Variants in THUMPD3 observed in about 807,000 individuals in gnomAD.
The protein encoded by THUMPD3 is tRNA (guanine(6)-N(2))-methyltransferase THUMP3.
Under a neutral mutation model 54.5 loss-of-function variants are expected in THUMPD3, and 44 were observed. That is an observed-to-expected ratio of 0.81 (90% confidence interval 0.63 to 1.04). The LOEUF is 1.04. Among genes scored for constraint, THUMPD3 ranks in the 50% least tolerant of loss-of-function variants. The pLI, the probability that THUMPD3 is intolerant of heterozygous loss-of-function variation, is 0.00. For synonymous variants in THUMPD3, 196 were observed against 201.4 expected (o/e 0.97, Z 0.23); for missense variants, 604 against 601.3 (o/e 1.00, Z -0.05).
chr3:9,384,976 C>T lies in THUMPD3; in HGVS notation c.*288C>T, dbSNP rs762019130. 3.4e-4 allele frequency: 99 copies of T among 288,310 alleles called. No individual in the cohort carries two copies. Among genetic ancestry groups the T allele is most frequent in the Non-Finnish European group, 6.0e-4 (90 of 149,434 alleles). The allele number at this position is 288,310 out of a possible 1,614,324, so 17.9% of individuals were successfully genotyped here. A position where few individuals can be genotyped will look rare whatever the true frequency, so the allele number is the denominator to read the frequency against. On this transcript the variant is annotated 3_prime_UTR_variant, in exon 10 of 10. Coordinates refer to ENST00000452837, the MANE Select transcript of THUMPD3 (RefSeq NM_001114092.2). Reference sequence around the variant, plus strand: ...CCAACATGGTGAAACCCTGTCTCTACTAGAAATACAAAAATTAGCCAGGTG... The same window carrying T: ...CCAACATGGTGAAACCCTGTCTCTATTAGAAATACAAAAATTAGCCAGGTG...
At chr3:9,382,941 C>G (rs2600194) in intron 7 of THUMPD3, 200,809 of 332,516 alleles carry the variant, frequency 0.6, 61,373 homozygotes, top group South Asian at 0.78. Flanking sequence ...TGTTGCTCAG[C>G]TGGTCTCAAA....
chr3:9,384,699 T>C lies in THUMPD3; in HGVS notation c.*11T>C, dbSNP rs374689491. 8 of 1,613,910 alleles carry C rather than the reference T, an allele frequency of 5.0e-6. No homozygotes were observed. The highest frequency in any genetic ancestry group is 6.8e-6 in the Non-Finnish European group (8 of 1,179,916). ...CAATGCAAAGAATGAAGATGACTAA[T>C]AGTACTTGTACTTCCCACCACTGGA... On this transcript the variant is annotated 3_prime_UTR_variant, in exon 10 of 10. Coordinates refer to ENST00000452837, the MANE Select transcript of THUMPD3 (RefSeq NM_001114092.2).
chr3:9,363,831 A>G (rs1355146549), intron 1 of THUMPD3: 2 of 124,182 alleles, frequency 1.6e-5, no homozygotes, highest in East Asian at 4.4e-4. Context: ...TTTTTTTGAG[A>G]CAGGGCCTCA....
Position 9,377,899 on chromosome 3 carries a change from T to G in THUMPD3, c.1008+11T>G. On this transcript the variant is annotated intron_variant, in intron 6 of 9. Coordinates refer to ENST00000452837, the MANE Select transcript of THUMPD3 (RefSeq NM_001114092.2). ...GCAATACCAATAGAGGTAATCATAT[T>G]TCTTTAGCTTTTAGATAAGAGTGAT... 1.2e-6 allele frequency: 2 copies of G among 1,603,046 alleles called. No homozygotes were observed. The highest frequency in any genetic ancestry group is 1.7e-6 in the Non-Finnish European group (2 of 1,170,208).
chr3:9,383,961 TTGAC>T (rs1433975182), intron 8 of THUMPD3, among the ~76,000 whole-genome samples: 1 of 152,184 alleles, frequency 6.6e-6, no homozygotes, highest in African/African-American at 2.4e-5. Flanking sequence ...TTTATACAGT[TTGAC>T]TGCTTATTAT....
Position 9,380,618 on chromosome 3 carries a change from G to C in THUMPD3, c.1124G>C (p.Gly375Ala). 1.3e-6 allele frequency: 2 copies of C among 1,599,086 alleles called. No individual in the cohort carries two copies. The highest frequency in any genetic ancestry group is 1.7e-6 in the Non-Finnish European group (2 of 1,168,822). Reference protein sequence around the residue: ...SLLTKSQIKEGKPSWGLPIDA... With the variant: ...SLLTKSQIKEAKPSWGLPIDA... ...TTGACCAAGAGCCAAATTAAAGAAG[G>C]GTAAAAATTTAAAAGATTTCTTAGC... Residue 375 changes from glycine (G) to alanine (A), a missense_variant and splice_region_variant, in exon 7 of 10, where the codon GGC becomes GCC. Physicochemically the swap from Gly to Ala is moderately conservative, Grantham distance 60. Transcript: ENST00000452837.
At chr3:9,383,562 AT>A (rs1340297308) in intron 8 of THUMPD3, among the ~76,000 whole-genome samples, 1 of 152,006 alleles carries the variant, frequency 6.6e-6, no homozygotes, top group Non-Finnish European at 1.5e-5. Flanking sequence ...TTCTTGAATT[AT>A]ATATCCTACA....
rs1359327373 is a variant in THUMPD3, at chr3:9,386,413, GGTATT to G, written c.*1730_*1734del. The G allele has an allele frequency of 9.2e-6, 1 of 108,992 alleles. No individual in the cohort carries two copies. The highest frequency in any genetic ancestry group is 2.6e-4 in the East Asian group (1 of 3,786). The allele number at this position is 108,992 out of a possible 1,614,324, so 6.8% of individuals were successfully genotyped here. A position where few individuals can be genotyped will look rare whatever the true frequency, so the allele number is the denominator to read the frequency against. On this transcript the variant is annotated 3_prime_UTR_variant, in exon 10 of 10. Transcript: ENST00000452837. ...CCACTCCACCCCCCACTAAGGGCAG[GGTATT>G]GTATCTGCCAGACTGGGTATTTGTT...
At chr3:9,384,451 T>G in intron 9 of THUMPD3, 73 bp from the exon 10 acceptor site, 1 of 1,603,954 alleles carries the variant, frequency 6.2e-7, no homozygotes, top group Non-Finnish European at 8.5e-7. Flanking sequence ...TTTCCTATCT[T>G]GGCAGTTAAG....
chr3:9,384,093 GTT>G lies in THUMPD3; in HGVS notation c.1236-117_1236-116del, dbSNP rs562782314. 103 of 1,183,510 alleles carry G rather than the reference GTT, an allele frequency of 8.7e-5. No homozygotes were observed. The East Asian group carries it at 2.4e-3, about 27-fold the overall frequency. The allele number at this position is 1,183,510 out of a possible 1,614,324, so 73.3% of individuals were successfully genotyped here. On this transcript the variant is annotated intron_variant, in intron 8 of 9. Coordinates refer to ENST00000452837, the MANE Select transcript of THUMPD3 (RefSeq NM_001114092.2). ...ATAGACATGTAATGGCAAAGGTCTG[GTT>G]TCTAAAACTACAGCTATTTTTCATG...
intron 4 of THUMPD3, 33 bp downstream of exon 4, chr3:9,371,569 A>C: frequency 6.6e-7 from 1 of 1,522,766 alleles, no homozygotes; most frequent in Non-Finnish European, 9.0e-7. Flanking sequence ...GTGATTGAAG[A>C]ATGCTGTCAC....
chr3:9,368,978 C>T (rs533338332), intron 3 of THUMPD3, among the ~76,000 whole-genome samples: 14 of 152,004 alleles, frequency 9.2e-5, no homozygotes, highest in East Asian at 7.7e-4. Flanking sequence ...CTGAAATACT[C>T]GGGACCAGAA....
intron 3 of THUMPD3, among the ~76,000 whole-genome samples, chr3:9,367,305 A>C (rs2031642974): frequency 6.6e-6 from 1 of 152,266 alleles, no homozygotes; most frequent in South Asian, 2.1e-4. Context: ...AACATGAACC[A>C]AAGAACAAGT....
rs778281217 is a variant in THUMPD3 at position 9,385,678 on chromosome 3, TAAAAG to T, written c.*994_*998del. On this transcript the variant is annotated 3_prime_UTR_variant, in exon 10 of 10. Coordinates refer to ENST00000452837, the MANE Select transcript of THUMPD3 (RefSeq NM_001114092.2). ...GGGGTGTGGGACCAACAAACCAAAT[TAAAAG>T]AAATTGTTTTTCTTTCAGTACACTA... 6.6e-5 allele frequency: 10 copies of T among 152,222 alleles called. No individual in the cohort carries two copies. Among genetic ancestry groups the T allele is most frequent in the African/African-American group, 1.4e-4 (6 of 41,466 alleles). 9.4% of individuals were successfully genotyped at this position (152,222 alleles called of 1,614,324 possible). A position where few individuals can be genotyped will look rare whatever the true frequency, so the allele number is the denominator to read the frequency against.
intron 4 of THUMPD3, among the ~76,000 whole-genome samples, chr3:9,374,165 T>G (rs1033917919): frequency 1.3e-5 from 2 of 152,242 alleles, no homozygotes; most frequent in African/African-American, 2.4e-5. Flanking sequence ...ATATAGTATA[T>G]AGTTTTTTTC....
chr3:9,367,098 A>T, intron 3 of THUMPD3, 113 bp downstream of exon 3: 1 of 737,708 alleles, frequency 1.4e-6, no homozygotes, highest in Non-Finnish European at 2.2e-6. Context: ...GTAATAGAGA[A>T]TACTGGGAGG....
intron 7 of THUMPD3, among the ~76,000 whole-genome samples, chr3:9,382,276 A>G (rs2032984755): frequency 6.6e-6 from 1 of 151,984 alleles, no homozygotes; most frequent in South Asian, 2.1e-4. Context: ...TCTGCTGATA[A>G]CCTTTGACTT....
At chr3:9,383,331 T>G in intron 8 of THUMPD3, 22 bp downstream of exon 8, 1 of 1,514,210 alleles carries the variant, frequency 6.6e-7, no homozygotes, top group Non-Finnish European at 9.2e-7. Context: ...TAGTACCTGC[T>G]TGTCTTCTAA....
At position 9,374,502 on chromosome 3, in the gene THUMPD3, C is replaced by T; in HGVS notation, c.808-14C>T. The T allele has an allele frequency of 6.2e-7, 1 of 1,611,756 alleles. No individual in the cohort carries two copies. ...AATCCTAAAACTATTTTGTCTTGTT[C>T]CACTTTGCTATAGGTTCTTTTGAAC... is the stretch of plus-strand genomic sequence containing the variant. On this transcript the variant is annotated splice_polypyrimidine_tract_variant and intron_variant, in intron 4 of 9. Transcript: ENST00000452837.
Sources: allele counts gnomAD v4.1 joint callset (sites outside exome capture counted in the v4.1 genomes callset), GRCh38; gene constraint gnomAD v4.1.1; transcripts MANE v1.5; gene names NCBI Gene and HGNC (gene_info 2026-07-23, HGNC 2026-07-21).